HACL1: variants seen among roughly 807,000 people sequenced by gnomAD.
The protein encoded by HACL1 is 2-hydroxyacyl-CoA lyase 1.
In HACL1, 64 loss-of-function variants were observed where a neutral mutation model predicts 74.2. The observed-to-expected ratio is 0.86, with a 90% CI of 0.70 to 1.06. The LOEUF is 1.06. Among genes scored for constraint, HACL1 ranks in the 50% least tolerant of loss-of-function variants. HACL1 has a pLI of 0.00. For synonymous variants in HACL1, 230 were observed against 238.8 expected (o/e 0.96, Z 0.34); for missense variants, 728 against 719.7 (o/e 1.01, Z -0.13).
At chr3:15,597,569 C>T (rs1283837463) in intron 2 of HACL1, among the ~76,000 whole-genome samples, 2 of 149,992 alleles carry the variant, frequency 1.3e-5, no homozygotes, top group South Asian at 2.1e-4. Context: ...TCCTAGCCTT[C>T]ATTCAGCTTT....
rs767795718 is a variant in HACL1 at position 15,585,346 on chromosome 3, C to T, written c.460-4G>A. On this transcript the variant is annotated splice_region_variant and splice_polypyrimidine_tract_variant and intron_variant, in intron 6 of 16. Coordinates refer to ENST00000321169, the MANE Select transcript of HACL1 (RefSeq NM_012260.4). The stretch of plus-strand genomic sequence containing the variant: ...CATAGATACTGCTTCTCACTGCCTA[C>T]GTTCATTACAAGTAGAAGAAAAGAT... The T allele has an allele frequency of 2.1e-5, 31 of 1,500,560 alleles. No individual in the cohort carries two copies. Among genetic ancestry groups the T allele is most frequent in the South Asian group, 6.8e-5 (6 of 87,992 alleles). The allele number at this position is 1,500,560 out of a possible 1,614,324, so 93.0% of individuals were successfully genotyped here.
At chr3:15,597,842 C>T (rs188422970) in intron 2 of HACL1, among the ~76,000 whole-genome samples, 2 of 152,018 alleles carry the variant, frequency 1.3e-5, no homozygotes, top group Admixed American at 1.3e-4. Flanking sequence ...ATACCTGCTG[C>T]AATAAGAACA....
chr3:15,593,225 T>TC (rs915783612), intron 3 of HACL1, among the ~76,000 whole-genome samples: 1 of 150,706 alleles, frequency 6.6e-6, no homozygotes, highest in African/African-American at 2.5e-5. Flanking sequence ...ATACACACTT[T>TC]TTTTTTGAGA....
At position 15,585,261 on chromosome 3, in the gene HACL1, C is replaced by T. The variant is rs751810822; in HGVS notation, c.541G>A (p.Val181Met). The T allele has an allele frequency of 1.9e-6, 3 of 1,542,632 alleles. No homozygotes were observed. Among genetic ancestry groups the T allele is most frequent in the South Asian group, 1.1e-5 (1 of 89,504 alleles). Residue 181 changes from valine (V) to methionine (M), a missense_variant, in exon 7 of 17, where the codon GTG (valine) becomes ATG (methionine). Val to Met is a conservative substitution (Grantham distance 21, BLOSUM62 1). Transcript: ENST00000321169. ...PADFVNLQVN[V>M]NSIKYMERCM... Reference sequence around the variant, plus strand: ...ACTATTACTCACTTTATAGAATTCACATTCACCTGAAGGTTCACAAAATCT... The same window carrying T: ...ACTATTACTCACTTTATAGAATTCATATTCACCTGAAGGTTCACAAAATCT...
chr3:15,595,604 CTTTTTT>C lies in HACL1; in HGVS notation c.227+774_227+779del, dbSNP rs764183329. 2.0e-4 allele frequency among the ~76,000 whole-genome samples: 19 copies of C among 97,340 alleles called. 2 individuals carry two copies. The highest frequency in any genetic ancestry group is 1.2e-3 in the East Asian group (4 of 3,326). The allele number at this position is 97,340 out of a possible 152,430, so 63.9% of individuals were successfully genotyped here. Reference sequence around the variant, plus strand: ...TAGGTGATTTTCTTCATCTTTTTTCCTTTTTTTTTTTTTTTTTTTTTTTGAGACGGA... The same window carrying C: ...TAGGTGATTTTCTTCATCTTTTTTCCTTTTTTTTTTTTTTTTTGAGACGGA... On this transcript the variant is annotated intron_variant, in intron 3 of 16. Coordinates refer to ENST00000321169, the MANE Select transcript of HACL1 (RefSeq NM_012260.4).
chr3:15,563,457 T>A lies in HACL1; in HGVS notation c.1605A>T (p.Pro535=). The A allele has an allele frequency of 6.2e-7, 1 of 1,610,592 alleles. No homozygotes were observed. The highest frequency in any genetic ancestry group is 8.5e-7 in the Non-Finnish European group (1 of 1,176,776). ...GCCTCAGGGATTTTTGGAGTTCTTC[T>A]GGTGTTTGTACAAAATACCCTTTGC... ...FGGKGYFVQT[P]EELQKSLRQS... is the part of the protein sequence containing the mutation. The change falls in exon 16 of 17, where the codon CCA becomes CCT. Residue 535 remains proline, a synonymous_variant. Coordinates refer to ENST00000321169, the MANE Select transcript of HACL1 (RefSeq NM_012260.4).
At chr3:15,563,224 A>G in intron 16 of HACL1, 134 bp downstream of exon 16, 1 of 634,178 alleles carries the variant, frequency 1.6e-6, no homozygotes, top group South Asian at 2.1e-5. Context: ...CAAGTACATG[A>G]AACTGCCAAA....
At chr3:15,597,200 TC>T (rs142741507) in intron 2 of HACL1, among the ~76,000 whole-genome samples, 3,009 of 152,334 alleles carry the variant, frequency 0.02, 104 homozygotes, top group African/African-American at 0.069. Flanking sequence ...GTTAATCTTT[TC>T]AAATATTTAC....
chr3:15,592,275 T>A (rs2063934581), intron 3 of HACL1, among the ~76,000 whole-genome samples: 1 of 149,214 alleles, frequency 6.7e-6, no homozygotes. Flanking sequence ...TATATACGTA[T>A]ACATACGTGT....
At chr3:15,595,604 C>CTTTTTTT (rs764183329) in intron 3 of HACL1, among the ~76,000 whole-genome samples, 9 of 97,322 alleles carry the variant, frequency 9.2e-5, no homozygotes, top group Non-Finnish European at 1.2e-4. Context: ...ATCTTTTTTC[C>CTTTTTTT]TTTTTTTTTT....
At chr3:15,576,265 T>G (rs2063625498) in intron 9 of HACL1, among the ~76,000 whole-genome samples, 1 of 151,954 alleles carries the variant, frequency 6.6e-6, no homozygotes, top group Non-Finnish European at 1.5e-5. Context: ...ATTTAATGTT[T>G]TCTCAATTGC....
chr3:15,583,604 A>T (rs142292216), intron 7 of HACL1, among the ~76,000 whole-genome samples: 112 of 152,180 alleles, frequency 7.4e-4, no homozygotes, highest in Non-Finnish European at 1.2e-3. Context: ...TCTGTCTCCA[A>T]AGTCCATGCT....
Position 15,579,953 on chromosome 3 carries a change from C to G in HACL1, c.760G>C (p.Val254Leu), listed in dbSNP as rs1429519281. Reference protein sequence around the residue: ...FLPTPMGKGVVPDNHPYCVGA... With the variant: ...FLPTPMGKGVLPDNHPYCVGA... The stretch of plus-strand genomic sequence containing the variant: ...ACACAGTATGGATGGTTGTCAGGGA[C>G]AACACCCTTCCCCATAGGGGTGGGC... Residue 254 changes from valine to leucine, a missense_variant, in exon 9 of 17, where the codon GTC (valine) becomes CTC (leucine). By Grantham distance (32) the Val-to-Leu change is conservative. Coordinates refer to ENST00000321169, the MANE Select transcript of HACL1 (RefSeq NM_012260.4). 6.2e-7 allele frequency: 1 copy of G among 1,611,636 alleles called. No individual in the cohort carries two copies. Among genetic ancestry groups the G allele is most frequent in the South Asian group, 1.1e-5 (1 of 90,964 alleles).
At chr3:15,583,296 G>C (rs114730505) in intron 7 of HACL1, among the ~76,000 whole-genome samples, 16 of 152,234 alleles carry the variant, frequency 1.1e-4, no homozygotes, top group African/African-American at 2.9e-4. Context: ...ATCACATCTA[G>C]TAAATTAACA....
intron 8 of HACL1, among the ~76,000 whole-genome samples, chr3:15,580,609 A>C (rs910879913): frequency 4.6e-5 from 7 of 152,202 alleles, no homozygotes; most frequent in Non-Finnish European, 7.3e-5. Flanking sequence ...TGCTACTGTC[A>C]CTTACCCATT....
At chr3:15,589,960 G>A (rs1042900544) in intron 4 of HACL1, among the ~76,000 whole-genome samples, 19 of 152,138 alleles carry the variant, frequency 1.2e-4, no homozygotes, top group Admixed American at 1.2e-3. Flanking sequence ...GCTTGAACCT[G>A]GGAAGCAGAG....
Position 15,568,566 on chromosome 3 carries a change from G to A in HACL1, c.1116C>T (p.Ser372=), listed in dbSNP as rs2063474027. ...ATACTGTGTAATAATTCATAGGCAG[G>A]GATTTTTTAGAAGCTAGTTCCTGAA... ...AASKELASKK[S]LPMNYYTVFY... is the part of the protein sequence containing the mutation. The change falls in exon 13 of 17, where the codon TCC becomes TCT. Residue 372 remains serine, a synonymous_variant. Coordinates refer to ENST00000321169, the MANE Select transcript of HACL1 (RefSeq NM_012260.4). 1 of 1,547,074 alleles carries A rather than the reference G, an allele frequency of 6.5e-7. No homozygotes were observed. The highest frequency in any genetic ancestry group is 8.8e-7 in the Non-Finnish European group (1 of 1,132,540).
chr3:15,577,001 C>T (rs1191092050), intron 9 of HACL1, among the ~76,000 whole-genome samples: 3 of 152,188 alleles, frequency 2.0e-5, no homozygotes, highest in Non-Finnish European at 4.4e-5. Flanking sequence ...CTTTTTTACA[C>T]TGGTAATGTC....
At chr3:15,566,805 G>C (rs1574907999) in intron 14 of HACL1, among the ~76,000 whole-genome samples, 1 of 143,974 alleles carries the variant, frequency 6.9e-6, no homozygotes, top group East Asian at 2.1e-4. Flanking sequence ...ACTGAGGCTT[G>C]GTTAAGTGAC....
Sources: allele counts gnomAD v4.1 joint callset (sites outside exome capture counted in the v4.1 genomes callset), GRCh38; gene constraint gnomAD v4.1.1; transcripts MANE v1.5; gene names NCBI Gene and HGNC (gene_info 2026-07-23, HGNC 2026-07-21).